The following C4orf50 variants were observed in gnomAD, a reference collection of about 807,000 sequenced individuals.
C4orf50 encodes the protein chromosome 4 open reading frame 50.
Under a neutral mutation model 77.2 loss-of-function variants are expected in C4orf50, and 80 were observed. That is an observed-to-expected ratio of 1.04 (90% CI 0.87 to 1.25). C4orf50 has a LOEUF of 1.25. Among genes scored for constraint, C4orf50 ranks in the 50% most tolerant of loss-of-function variants. The probability of loss-of-function intolerance (pLI) is 0.00; values close to 1 mark genes in which losing one functional copy is unlikely to be tolerated. For missense variants in C4orf50, 1,257 were observed against 1,152.9 expected (o/e 1.09, Z -1.31); for synonymous variants, 532 against 465.3 (o/e 1.14, Z -1.84).
At chr4:5,931,354 C>T (rs1177684141) in intron 7 of C4orf50, among the ~76,000 whole-genome samples, 1 of 149,386 alleles carries the variant, frequency 6.7e-6, no homozygotes, top group African/African-American at 2.4e-5. Flanking sequence ...GTGTTGGTTT[C>T]CCATGTAGAA....
At chr4:5,899,861 G>T (rs1394102222) in intron 7 of C4orf50, 1 of 152,218 alleles carries the variant, frequency 6.6e-6, no homozygotes, top group Non-Finnish European at 1.5e-5. Context: ...AGCTCTGCAG[G>T]TGAGTCCAAC....
chr4:5,976,211 C>T (rs547958800), intron 29 of C4orf50, among the ~76,000 whole-genome samples: 134 of 151,832 alleles, frequency 8.8e-4, no homozygotes, highest in African/African-American at 2.9e-3. Flanking sequence ...TTTGGGAGGC[C>T]GAGGTGGGCG....
Position 5,987,412 on chromosome 4 carries a change from C to CAAAA in C4orf50, c.3699+931_3699+934dup, listed in dbSNP as rs58512584. On this transcript the variant is annotated intron_variant, in intron 28 of 33. Transcript: ENST00000531445. ...GGTGACAGAGCGAGACTCTGTCTCA[C>CAAAA]AAAAAAAAAAAAAAAAAAAAAAAGA... 3.0e-3 allele frequency among the ~76,000 whole-genome samples: 101 copies of CAAAA among 33,586 alleles called. 17 individuals carry two copies. In the East Asian group the frequency reaches 0.031, roughly 10 times the overall value. The allele number at this position is 33,586 out of a possible 152,430, so 22.0% of individuals were successfully genotyped here.
At chr4:5,940,755 C>T (rs77133675) in intron 7 of C4orf50, among the ~76,000 whole-genome samples, 10,112 of 152,162 alleles carry the variant, frequency 0.066, 930 homozygotes, top group African/African-American at 0.2. Flanking sequence ...GAAGTGACGC[C>T]GTGGGAGATT....
intron 7 of C4orf50, among the ~76,000 whole-genome samples, chr4:5,911,726 T>C (rs1716814026): frequency 6.6e-6 from 1 of 152,014 alleles, no homozygotes; most frequent in Non-Finnish European, 1.5e-5. Flanking sequence ...AACAACTGGC[T>C]CTCAAAACAA....
rs1164525119 is a variant in C4orf50 at position 5,919,204 on chromosome 4, T to C, written c.*2475-21016A>G. On this transcript the variant is annotated intron_variant, in intron 7 of 7. Transcript: ENST00000324058. This position sits in a 1 kb window ranked among gnomAD's most constrained non-coding sequence, Gnocchi z 6.5. ...TCATTCAGGGCCCCTGGCTGTGCCA[T>C]TTCCGGAGCTGAATGTATTCAGGGG... 6.6e-6 allele frequency among the ~76,000 whole-genome samples: 1 copy of C among 152,096 alleles called. No homozygotes were observed. Among genetic ancestry groups the C allele is most frequent in the East Asian group, 1.9e-4 (1 of 5,168 alleles).
chr4:5,946,263 G>T (rs1303903717), intron 7 of C4orf50, among the ~76,000 whole-genome samples: 1 of 152,178 alleles, frequency 6.6e-6, no homozygotes, highest in Admixed American at 6.5e-5. Context: ...ACGGCAGCCA[G>T]GCTGGGGCTT....
At chr4:5,975,641 T>G (rs1315522147) in intron 30 of C4orf50, among the ~76,000 whole-genome samples, 1 of 152,030 alleles carries the variant, frequency 6.6e-6, no homozygotes, top group Non-Finnish European at 1.5e-5. Flanking sequence ...CCCTCCCAAG[T>G]AACTGGGACT....
rs1404534056 is a variant in C4orf50 at position 6,009,708 on chromosome 4, G to A, written c.427-1176C>T. ...CAGCAACAAAGCAAAACTGCCATTT[G>A]GTACATACAGGTGCAAAGGGCATGG... On this transcript the variant is annotated intron_variant, in intron 24 of 33. Transcript: ENST00000531445. This position sits in a 1 kb window ranked among gnomAD's most constrained non-coding sequence, Gnocchi z 5.6. Among the ~76,000 whole-genome samples, 1 of 152,144 alleles carries A rather than the reference G, an allele frequency of 6.6e-6. No homozygotes were observed. Among genetic ancestry groups the A allele is most frequent in the Non-Finnish European group, 1.5e-5 (1 of 68,030 alleles).
At chr4:5,931,920 G>T (rs73067468) in intron 7 of C4orf50, among the ~76,000 whole-genome samples, 90 of 152,254 alleles carry the variant, frequency 5.9e-4, no homozygotes, top group African/African-American at 2.0e-3. Flanking sequence ...GGGAAGCCGA[G>T]GCTGGAAAGG....
chr4:5,905,910 G>A lies in C4orf50; in HGVS notation c.*2475-7722C>T, dbSNP rs551611793. Among the ~76,000 whole-genome samples, 10 of 152,082 alleles carry A rather than the reference G, an allele frequency of 6.6e-5. No individual in the cohort carries two copies. Among genetic ancestry groups the A allele is most frequent in the African/African-American group, 2.2e-4 (9 of 41,438 alleles). ...GTGTGGTAATCTCTATGCTAAGCAC[G>A]GGGGCAGGGGGGCGGGGGGCAGAGG... On this transcript the variant is annotated intron_variant, in intron 7 of 7. Transcript: ENST00000324058. This position sits in a 1 kb window ranked among gnomAD's most constrained non-coding sequence, Gnocchi z 5.4.
intron 28 of C4orf50, among the ~76,000 whole-genome samples, chr4:5,987,203 G>C (rs1577968468): frequency 6.6e-6 from 1 of 151,882 alleles, no homozygotes; most frequent in East Asian, 2.0e-4. Context: ...CTGAGCTCAG[G>C]AGTTCGAGAC....
rs544441733 is a variant in C4orf50, at chr4:6,017,093, G to A, written c.287+1052C>T. Among the ~76,000 whole-genome samples the A allele has an allele frequency of 2.6e-5, 4 of 152,318 alleles. No homozygotes were observed. The highest frequency in any genetic ancestry group is 9.6e-5 in the African/African-American group (4 of 41,554). ...TTTAGAGAAAGACCTGGATTCAAAC[G>A]CCCCACCTTGAGGCCAGGTCAGCTC... is the stretch of plus-strand genomic sequence containing the variant. On this transcript the variant is annotated intron_variant, in intron 23 of 33. Coordinates refer to ENST00000531445, the Ensembl canonical transcript of C4orf50. The surrounding 1 kb of genome is among the most constrained non-coding windows in gnomAD (Gnocchi z 4.7).
At chr4:5,952,491 G>T (rs1028106963), downstream of C4orf50, among the ~76,000 whole-genome samples, 1 of 152,178 alleles carries the variant, frequency 6.6e-6, no homozygotes, top group South Asian at 2.1e-4. The surrounding 1 kb of genome is among the most constrained non-coding windows in gnomAD (Gnocchi z 4.4). Flanking sequence ...GAAGCAGCGG[G>T]GCTGGTCTCT....
intron 30 of C4orf50, among the ~76,000 whole-genome samples, chr4:5,975,121 CAG>C (rs138414068): frequency 0.27 from 33,738 of 127,036 alleles, 4,371 homozygotes; most frequent in Middle Eastern, 0.41. Flanking sequence ...GCCTGGGCGA[CAG>C]AGTGACACTC....
intron 25 of C4orf50, among the ~76,000 whole-genome samples, chr4:6,005,952 C>A (rs982303105): frequency 2.0e-5 from 3 of 152,182 alleles, no homozygotes; most frequent in Non-Finnish European, 2.9e-5. Flanking sequence ...CTTAAGCCAA[C>A]AGCCTAAAGT....
chr4:5,949,611 G>A (rs1718634237), intron 7 of C4orf50, among the ~76,000 whole-genome samples: 1 of 152,224 alleles, frequency 6.6e-6, no homozygotes, highest in African/African-American at 2.4e-5. Context: ...AGGGTTCTGT[G>A]GGTGGATGGT....
intron 28 of C4orf50, among the ~76,000 whole-genome samples, chr4:5,981,375 G>C (rs901402991): frequency 2.0e-5 from 3 of 149,870 alleles, no homozygotes; most frequent in Non-Finnish European, 4.4e-5. Context: ...TCATCAGGGG[G>C]TATTTCCAGG....
chr4:5,980,453 T>G, intron 28 of C4orf50, 115 bp from the exon 7 acceptor site: 1 of 900,130 alleles, frequency 1.1e-6, no homozygotes, highest in Non-Finnish European at 1.7e-6. Flanking sequence ...GTTGTTGTTG[T>G]TTTCCTGCTT....
Sources: gnomAD v4.1 joint callset for allele counts (sites outside exome capture counted in the v4.1 genomes callset) on GRCh38, gnomAD v4.1.1 for gene constraint, Gnocchi (gnomAD v3.1) non-coding constraint, MANE v1.5 for transcripts, NCBI Gene and HGNC (gene_info 2026-07-23, HGNC 2026-07-21) for gene names.